Variants in PRUNE1 observed in about 807,000 individuals in gnomAD.
The protein encoded by PRUNE1 is prune exopolyphosphatase 1, also known as exopolyphosphatase PRUNE1.
PRUNE1 carries 25 observed loss-of-function variants against 42.5 expected under a neutral mutation model. The observed-to-expected ratio is 0.59, with a 90% CI of 0.43 to 0.82. PRUNE1 has a LOEUF of 0.82. PRUNE1 is among the 40% of genes least tolerant of loss of function. The pLI is 0.00. For synonymous variants in PRUNE1, 203 were observed against 217.1 expected (o/e 0.93, Z 0.57); for missense variants, 443 against 539.3 (o/e 0.82, Z 1.77).
rs1674199594 is a variant in PRUNE1, at chr1:151,017,877, T to C, written c.105T>C (p.Ala35=). The change falls in exon 2 of 8, where the codon GCT becomes GCC. Residue 35 remains alanine (A), a synonymous_variant. Coordinates refer to ENST00000271620, the MANE Select transcript of PRUNE1 (RefSeq NM_021222.3). ...GTGATTTGGACTCCACAGTGTCTGC[T>C]CTTGCCCTGGCTTTTTACCTAGCAA... ...EACDLDSTVS[A]LALAFYLAKT... 8 of 1,602,386 alleles carry C rather than the reference T, an allele frequency of 5.0e-6. No homozygotes were observed. The highest frequency in any genetic ancestry group is 1.1e-5 in the South Asian group (1 of 90,866).
chr1:151,034,321 G>A lies in PRUNE1; in HGVS notation c.*87G>A. ...AGATGTTTGGAGATTCAGCAATTCT[G>A]TCTTCATTGCTCCAGGATCTGGTAT... is the stretch of plus-strand genomic sequence containing the variant. On this transcript the variant is annotated 3_prime_UTR_variant, in exon 8 of 8. Coordinates refer to ENST00000271620, the MANE Select transcript of PRUNE1 (RefSeq NM_021222.3). 7.3e-7 allele frequency: 1 copy of A among 1,365,466 alleles called. No individual in the cohort carries two copies. Among genetic ancestry groups the A allele is most frequent in the Admixed American group, 1.9e-5 (1 of 52,346 alleles). 84.6% of individuals were successfully genotyped at this position (1,365,466 alleles called of 1,614,324 possible).
rs771630775 is a variant in PRUNE1, at chr1:151,034,288, A to G, written c.*54A>G. 4 of 1,509,560 alleles carry G rather than the reference A, an allele frequency of 2.6e-6. No homozygotes were observed. Among genetic ancestry groups the G allele is most frequent in the Non-Finnish European group, 3.6e-6 (4 of 1,107,058 alleles). The allele number at this position is 1,509,560 out of a possible 1,614,324, so 93.5% of individuals were successfully genotyped here. On this transcript the variant is annotated 3_prime_UTR_variant, in exon 8 of 8. Transcript: ENST00000271620. ...AGGCTACCTGACTCACTTCAAATGC[A>G]TGTTTTGAGATGTTTGGAGATTCAG...
intron 3 of PRUNE1, among the ~76,000 whole-genome samples, chr1:151,020,510 C>T (rs923471543): frequency 2.6e-5 from 4 of 151,860 alleles, no homozygotes; most frequent in African/African-American, 7.3e-5. Context: ...CACCTGTAAA[C>T]CCAGCACTTT....
At chr1:151,018,734 T>C (rs587604082) in intron 3 of PRUNE1, 65 bp downstream of exon 3, 3 of 1,459,456 alleles carry the variant, frequency 2.1e-6, no homozygotes, top group Non-Finnish European at 1.9e-6. Context: ...GAGTGAGATA[T>C]AAAGAGAGGA....
chr1:151,022,481 C>T (rs1251051649), intron 3 of PRUNE1, among the ~76,000 whole-genome samples: 4 of 148,706 alleles, frequency 2.7e-5, no homozygotes, highest in Non-Finnish European at 5.9e-5. Context: ...TGCACTGGCG[C>T]GATCTCGGCT....
At chr1:151,019,049 G>GA (rs1300313017) in intron 3 of PRUNE1, among the ~76,000 whole-genome samples, 1 of 151,992 alleles carries the variant, frequency 6.6e-6, no homozygotes, top group African/African-American at 2.4e-5. Context: ...TCTCAAAAAA[G>GA]AAAGAGTTTT....
chr1:151,009,176 C>A (rs1390512167), intron 1 of PRUNE1, among the ~76,000 whole-genome samples: 1 of 152,104 alleles, frequency 6.6e-6, no homozygotes, highest in South Asian at 2.1e-4. Flanking sequence ...TTCTGTCTGG[C>A]GGGCTGAACT....
chr1:151,024,843 C>T lies in PRUNE1; in HGVS notation c.520+48C>T, dbSNP rs765162719. 9 of 1,543,924 alleles carry T rather than the reference C, an allele frequency of 5.8e-6. No homozygotes were observed. The Admixed American group carries it at 1.6e-4, about 27-fold the overall frequency. ...GACCTCAGTAGTTCTATTCCTGTCC[C>T]TGAGAAGGGAGGGTGGAAAAGTCTA... On this transcript the variant is annotated intron_variant, in intron 4 of 7. Coordinates refer to ENST00000271620, the MANE Select transcript of PRUNE1 (RefSeq NM_021222.3).
At chr1:151,009,195 G>A (rs985767460) in intron 1 of PRUNE1, among the ~76,000 whole-genome samples, 1 of 152,096 alleles carries the variant, frequency 6.6e-6, no homozygotes, top group African/African-American at 2.4e-5. Flanking sequence ...CTCATTTCTA[G>A]GTTAGAAGTA....
chr1:151,020,833 T>C (rs2102915500), intron 3 of PRUNE1, among the ~76,000 whole-genome samples: 1 of 151,610 alleles, frequency 6.6e-6, no homozygotes, highest in East Asian at 2.0e-4. Context: ...ATACAAAAAA[T>C]TAGCCGGGCA....
intron 7 of PRUNE1, among the ~76,000 whole-genome samples, chr1:151,033,391 CT>C (rs1409975062): frequency 1.8e-3 from 231 of 126,758 alleles, no homozygotes; most frequent in South Asian, 3.2e-3. Flanking sequence ...GGCTGACTTA[CT>C]TTTTTTTTTT....
At chr1:151,027,805 G>A (rs192306935) in intron 6 of PRUNE1, among the ~76,000 whole-genome samples, 101 of 149,102 alleles carry the variant, frequency 6.8e-4, no homozygotes, top group African/African-American at 8.8e-4. Flanking sequence ...TGTATGTGTC[G>A]ATGGGGTCTC....
chr1:151,029,725 G>GA (rs1247127388), intron 7 of PRUNE1, among the ~76,000 whole-genome samples: 100 of 141,310 alleles, frequency 7.1e-4, no homozygotes, highest in African/African-American at 1.0e-3. Flanking sequence ...CTCTGTTGGG[G>GA]AAAAAAAAAA....
chr1:151,030,237 T>TGCCAACA (rs2102941001), intron 7 of PRUNE1, among the ~76,000 whole-genome samples: 1 of 140,656 alleles, frequency 7.1e-6, no homozygotes, highest in South Asian at 2.3e-4. Flanking sequence ...TACTCCATCC[T>TGCCAACA]GCCAACAGAG....
Position 151,035,363 on chromosome 1 carries a change from G to A in PRUNE1, c.*1129G>A, listed in dbSNP as rs1461410861. ...CTCAGCCTCATGTAGCACGAATAGG[G>A]GTGTGGTTCATGGCGTGTTGACCCA... On this transcript the variant is annotated 3_prime_UTR_variant, in exon 8 of 8. Coordinates refer to ENST00000271620, the MANE Select transcript of PRUNE1 (RefSeq NM_021222.3). The A allele has an allele frequency of 6.6e-6, 1 of 152,170 alleles. No individual in the cohort carries two copies. Among genetic ancestry groups the A allele is most frequent in the Admixed American group, 6.6e-5 (1 of 15,238 alleles). The allele number at this position is 152,170 out of a possible 1,614,324, so 9.4% of individuals were successfully genotyped here.
At chr1:151,023,367 A>G (rs866527855) in intron 3 of PRUNE1, among the ~76,000 whole-genome samples, 1 of 152,180 alleles carries the variant, frequency 6.6e-6, no homozygotes, top group Non-Finnish European at 1.5e-5. Flanking sequence ...AGGAATTAAG[A>G]TAGAATTCAC....
At chr1:151,015,733 G>A (rs1674069226) in intron 1 of PRUNE1, among the ~76,000 whole-genome samples, 1 of 152,070 alleles carries the variant, frequency 6.6e-6, no homozygotes, top group Admixed American at 6.6e-5. Flanking sequence ...GAGTCTGGGA[G>A]GTGGAGTCTG....
chr1:151,009,773 A>G (rs1049329028), intron 1 of PRUNE1, among the ~76,000 whole-genome samples: 20 of 152,246 alleles, frequency 1.3e-4, no homozygotes, highest in African/African-American at 4.3e-4. Flanking sequence ...AATTACATAG[A>G]CATTTTCCTT....
At chr1:151,015,501 G>A (rs1674053577) in intron 1 of PRUNE1, among the ~76,000 whole-genome samples, 1 of 151,586 alleles carries the variant, frequency 6.6e-6, no homozygotes, top group Non-Finnish European at 1.5e-5. Context: ...GAGCATGGTG[G>A]CATGTGCCTG....
Sources: allele counts gnomAD v4.1 joint callset (sites outside exome capture counted in the v4.1 genomes callset), GRCh38; gene constraint gnomAD v4.1.1; transcripts MANE v1.5; gene names NCBI Gene and HGNC (gene_info 2026-07-23, HGNC 2026-07-21).